SNCAIP: variants seen among roughly 807,000 people sequenced by gnomAD.
SNCAIP encodes synphilin-1.
A neutral mutation model predicts 86.7 loss-of-function variants in SNCAIP; 43 were observed. That is an observed-to-expected ratio of 0.50 (90% CI 0.39 to 0.64). The LOEUF (loss-of-function observed/expected upper bound fraction) is 0.64. Ranked by LOEUF, SNCAIP falls within the 30% of genes least tolerant of loss-of-function variation. The pLI, the probability that SNCAIP is intolerant of heterozygous loss-of-function variation, is 0.00. For missense variants in SNCAIP, 981 were observed against 1,103.1 expected (o/e 0.89, Z 1.57); for synonymous variants, 417 against 427.2 (o/e 0.98, Z 0.29).
intron 1 of SNCAIP, among the ~76,000 whole-genome samples, chr5:122,317,664 C>G (rs1195211077): frequency 6.6e-6 from 1 of 152,000 alleles, no homozygotes; most frequent in Admixed American, 6.6e-5. Context: ...AACCTGAGAG[C>G]AGGGAAGGGG....
intron 1 of SNCAIP, among the ~76,000 whole-genome samples, chr5:122,365,643 C>A (rs2152777893): frequency 6.6e-6 from 1 of 152,342 alleles, no homozygotes; most frequent in East Asian, 1.9e-4. Context: ...TGCGCCACTG[C>A]ACTCTAGTCT....
intron 10 of SNCAIP, among the ~76,000 whole-genome samples, chr5:122,452,443 A>G (rs1783888188): frequency 6.6e-6 from 1 of 152,210 alleles, no homozygotes; most frequent in Non-Finnish European, 1.5e-5. Flanking sequence ...GTGGAGCTGC[A>G]GAATCTTTGT....
chr5:122,385,859 C>T (rs1361457669), intron 1 of SNCAIP, among the ~76,000 whole-genome samples: 2 of 152,160 alleles, frequency 1.3e-5, no homozygotes, highest in Non-Finnish European at 2.9e-5. Context: ...CTTTTAATTA[C>T]CAGGCCTCAT....
chr5:122,371,046 G>A (rs1319492726), intron 1 of SNCAIP, among the ~76,000 whole-genome samples: 1 of 152,096 alleles, frequency 6.6e-6, no homozygotes, highest in African/African-American at 2.4e-5. Context: ...GGGCCTGGTG[G>A]CTCATGCCTA....
At chr5:122,383,358 T>A (rs1249624010) in intron 1 of SNCAIP, 1 of 152,938 alleles carries the variant, frequency 6.5e-6, no homozygotes, top group Non-Finnish European at 1.5e-5. Context: ...CCCTGACCCC[T>A]TGCGCTTCCC....
intron 1 of SNCAIP, among the ~76,000 whole-genome samples, chr5:122,360,670 C>A (rs143332302): frequency 6.6e-6 from 1 of 152,134 alleles, no homozygotes; most frequent in Non-Finnish European, 1.5e-5. Context: ...ATGTGAAAAC[C>A]ACCTGGCACA....
intron 2 of SNCAIP, among the ~76,000 whole-genome samples, chr5:122,395,752 C>T (rs1770471325): frequency 6.6e-6 from 1 of 152,102 alleles, no homozygotes; most frequent in Non-Finnish European, 1.5e-5. Flanking sequence ...GAGAAAGACT[C>T]ATTTCAAGTA....
Position 122,432,052 on chromosome 5 carries a change from C to T in SNCAIP, c.1266C>T (p.Ser422=), listed in dbSNP as rs1476495532. The T allele has an allele frequency of 6.3e-7, 1 of 1,596,798 alleles. No individual in the cohort carries two copies. The highest frequency in any genetic ancestry group is 1.1e-5 in the South Asian group (1 of 90,734). Residue 422 remains serine, a synonymous_variant, in exon 6 of 11, where the codon AGC becomes AGT. Coordinates refer to ENST00000261368, the MANE Select transcript of SNCAIP (RefSeq NM_005460.4). ...TGAGTTGTTCTAAGGATTTTCCAAG[C>T]CTTATTCATTACGCAGGTTGCTATG... The part of the protein sequence containing the change: ...AELSCSKDFP[S]LIHYAGCYGQ...
chr5:122,413,708 C>T (rs1774638883), intron 3 of SNCAIP, among the ~76,000 whole-genome samples: 1 of 151,612 alleles, frequency 6.6e-6, no homozygotes, highest in African/African-American at 2.4e-5. Flanking sequence ...TCTGACCATG[C>T]TTTGTATTCC....
chr5:122,394,795 C>T (rs957534050), intron 2 of SNCAIP, among the ~76,000 whole-genome samples: 2 of 152,208 alleles, frequency 1.3e-5, no homozygotes, highest in African/African-American at 4.8e-5. Flanking sequence ...TCACAGCCAC[C>T]ATCCACCAAT....
chr5:122,335,699 G>T (rs1756297930), intron 1 of SNCAIP, among the ~76,000 whole-genome samples: 1 of 152,228 alleles, frequency 6.6e-6, no homozygotes, highest in Non-Finnish European at 1.5e-5. Flanking sequence ...CTCACTTAAA[G>T]CCTCAGCCAA....
intron 1 of SNCAIP, among the ~76,000 whole-genome samples, chr5:122,339,473 T>C (rs1471815522): frequency 2.0e-5 from 3 of 152,182 alleles, no homozygotes; most frequent in Admixed American, 1.3e-4. Context: ...GTTTTTTGGT[T>C]TAAGCCATGG....
intron 1 of SNCAIP, among the ~76,000 whole-genome samples, chr5:122,382,508 G>C (rs1291905117): frequency 6.6e-6 from 1 of 152,208 alleles, no homozygotes; most frequent in Non-Finnish European, 1.5e-5. Flanking sequence ...GTAGCTCAGA[G>C]TAATTTGATC....
chr5:122,463,026 A>G (rs1333246270), intron 10 of SNCAIP, among the ~76,000 whole-genome samples: 2 of 152,220 alleles, frequency 1.3e-5, no homozygotes, highest in Non-Finnish European at 2.9e-5. Flanking sequence ...ATGATCTTTC[A>G]ACATGCTATT....
At chr5:122,324,504 A>G (rs1206188223) in intron 1 of SNCAIP, among the ~76,000 whole-genome samples, 1 of 152,266 alleles carries the variant, frequency 6.6e-6, no homozygotes, top group African/African-American at 2.4e-5. Flanking sequence ...TTGTATGATC[A>G]GTATATGTCT....
At chr5:122,383,819 C>A (rs957479475) in intron 1 of SNCAIP, among the ~76,000 whole-genome samples, 1 of 152,138 alleles carries the variant, frequency 6.6e-6, no homozygotes, top group South Asian at 2.1e-4. Flanking sequence ...TAAAACAGTG[C>A]CATCTTCCTT....
chr5:122,442,929 A>T (rs1220666623), intron 7 of SNCAIP, among the ~76,000 whole-genome samples: 1 of 152,102 alleles, frequency 6.6e-6, no homozygotes, highest in Non-Finnish European at 1.5e-5. Flanking sequence ...AAGATAAGAG[A>T]CCGAGAGTGA....
intron 1 of SNCAIP, among the ~76,000 whole-genome samples, chr5:122,332,431 A>G (rs1011499179): frequency 1.3e-5 from 2 of 152,248 alleles, no homozygotes; most frequent in African/African-American, 4.8e-5. Context: ...CCCAGAGCAT[A>G]TACCTTGAAG....
intron 3 of SNCAIP, among the ~76,000 whole-genome samples, chr5:122,420,227 T>C (rs1440289462): frequency 6.6e-6 from 1 of 152,230 alleles, no homozygotes; most frequent in Admixed American, 6.5e-5. Context: ...CGTGTTTTCG[T>C]AAGACCCAGA....
Sources: allele counts gnomAD v4.1 joint callset (sites outside exome capture counted in the v4.1 genomes callset), GRCh38; gene constraint gnomAD v4.1.1; transcripts MANE v1.5; gene names NCBI Gene and HGNC (gene_info 2026-07-23, HGNC 2026-07-21).